KCNK9: variants seen among roughly 807,000 people sequenced by gnomAD.
The protein encoded by KCNK9 is potassium channel subfamily K member 9.
In KCNK9, 1 loss-of-function variant was observed where a neutral mutation model predicts 10.8. The ratio of observed to expected loss-of-function variants is 0.09; its 90% CI spans 0.03 to 0.44. The LOEUF is 0.44. Among genes scored for constraint, KCNK9 ranks in the 20% least tolerant of loss-of-function variants. The probability of loss-of-function intolerance (pLI) is 0.97; values close to 1 mark genes in which losing one functional copy is unlikely to be tolerated. For synonymous variants in KCNK9, 231 were observed against 222.7 expected, an observed-to-expected ratio of 1.04 and a Z score of -0.33; for missense variants, 303 against 515.0, an observed-to-expected ratio of 0.59 and a Z score of 3.98.
chr8:139,622,441 T>C (rs956961067), intron 1 of KCNK9, among the ~76,000 whole-genome samples: 2 of 152,056 alleles, frequency 1.3e-5, no homozygotes, highest in Admixed American at 1.3e-4. Flanking sequence ...TCCAGTTGGG[T>C]CCATCCAATG....
intron 1 of KCNK9, among the ~76,000 whole-genome samples, chr8:139,644,137 G>T (rs1815595895): frequency 6.6e-6 from 1 of 152,186 alleles, no homozygotes; most frequent in Non-Finnish European, 1.5e-5. Flanking sequence ...TGGGATGTAG[G>T]TGCCATTATT....
At chr8:139,630,084 C>T (rs1214048689) in intron 1 of KCNK9, among the ~76,000 whole-genome samples, 3 of 151,620 alleles carry the variant, frequency 2.0e-5, no homozygotes, top group Non-Finnish European at 4.4e-5. Context: ...GGGGGCGGCG[C>T]GAAAGGGTAA....
At chr8:139,655,213 C>A (rs549458315) in intron 1 of KCNK9, among the ~76,000 whole-genome samples, 2 of 152,250 alleles carry the variant, frequency 1.3e-5, no homozygotes, top group South Asian at 2.1e-4. Flanking sequence ...TGTCAAGAAG[C>A]CTGACAGTCC....
At chr8:139,612,382 G>C (rs531034301), downstream of KCNK9, 1 of 152,312 alleles carries the variant, frequency 6.6e-6, no homozygotes. Context: ...TTTTTATGAT[G>C]ATGAATGAGT....
At chr8:139,690,902 T>C (rs1753902974) in intron 1 of KCNK9, among the ~76,000 whole-genome samples, 1 of 152,194 alleles carries the variant, frequency 6.6e-6, no homozygotes, top group Non-Finnish European at 1.5e-5. Context: ...TAAACTAGAT[T>C]GCACCCAGGT....
chr8:139,634,336 C>T (rs866019073), intron 1 of KCNK9, among the ~76,000 whole-genome samples: 2 of 152,194 alleles, frequency 1.3e-5, no homozygotes, highest in Admixed American at 6.5e-5. Context: ...CTAACCTACC[C>T]CTCATGGGAA....
chr8:139,679,913 C>T (rs1384257925), intron 1 of KCNK9, among the ~76,000 whole-genome samples: 1 of 152,222 alleles, frequency 6.6e-6, no homozygotes, highest in Non-Finnish European at 1.5e-5. Flanking sequence ...GGGTGCCTTT[C>T]TCATATGCAC....
chr8:139,690,290 T>C (rs1360940070), intron 1 of KCNK9, among the ~76,000 whole-genome samples: 1 of 152,174 alleles, frequency 6.6e-6, no homozygotes, highest in Non-Finnish European at 1.5e-5. Flanking sequence ...CGGGGATACA[T>C]GAAAATATCT....
intron 1 of KCNK9, among the ~76,000 whole-genome samples, chr8:139,701,664 G>T (rs898426502): frequency 6.6e-6 from 1 of 152,132 alleles, no homozygotes; most frequent in Admixed American, 6.5e-5. Context: ...CCCTAGAGAG[G>T]CAGCCTGCCT....
At chr8:139,605,687 A>C (rs558004617) in intron 2 of KCNK9, among the ~76,000 whole-genome samples, 39 of 152,346 alleles carry the variant, frequency 2.6e-4, no homozygotes, top group African/African-American at 7.5e-4. Flanking sequence ...TTATTGTACA[A>C]CACCACATTA....
chr8:139,647,762 C>CT (rs397826379), intron 1 of KCNK9, among the ~76,000 whole-genome samples: 1 of 151,582 alleles, frequency 6.6e-6, no homozygotes, highest in African/African-American at 2.4e-5. Context: ...AGTTCTGAGC[C>CT]CTAAGGGACT....
intron 1 of KCNK9, among the ~76,000 whole-genome samples, chr8:139,637,785 A>AC (rs3032725): frequency 8.0e-5 from 12 of 149,558 alleles, no homozygotes; most frequent in Non-Finnish European, 1.3e-4. Context: ...ACACACACAC[A>AC]ATAATAGTAA....
intron 1 of KCNK9, among the ~76,000 whole-genome samples, chr8:139,649,834 C>T (rs374244586): frequency 2.0e-5 from 3 of 152,166 alleles, no homozygotes; most frequent in African/African-American, 4.8e-5. Context: ...TCTGGGGATG[C>T]GGCAAAGAAC....
At chr8:139,653,883 G>A (rs2129682701) in intron 1 of KCNK9, among the ~76,000 whole-genome samples, 1 of 152,278 alleles carries the variant, frequency 6.6e-6, no homozygotes, top group East Asian at 1.9e-4. Context: ...GGGTAGCCAG[G>A]GACCTCACCA....
At chr8:139,654,037 G>C (rs1815945811) in intron 1 of KCNK9, among the ~76,000 whole-genome samples, 1 of 152,232 alleles carries the variant, frequency 6.6e-6, no homozygotes, top group African/African-American at 2.4e-5. Flanking sequence ...GTTCGGCCTG[G>C]ACTCTGACCC....
intron 1 of KCNK9, among the ~76,000 whole-genome samples, chr8:139,685,749 G>T (rs145264163): frequency 6.6e-6 from 1 of 152,146 alleles, no homozygotes; most frequent in African/African-American, 2.4e-5. Flanking sequence ...ACATACATGT[G>T]CATATGTCTT....
chr8:139,626,702 C>A (rs2257781), intron 1 of KCNK9, among the ~76,000 whole-genome samples: 23 of 152,222 alleles, frequency 1.5e-4, no homozygotes, highest in Admixed American at 8.5e-4. Flanking sequence ...TGCCCAGCAC[C>A]GGAAGGAGAT....
At chr8:139,653,420 A>G (rs962119514) in intron 1 of KCNK9, among the ~76,000 whole-genome samples, 2 of 152,032 alleles carry the variant, frequency 1.3e-5, no homozygotes, top group African/African-American at 4.8e-5. Flanking sequence ...GTCCCTCCCC[A>G]GCCCCCTGCA....
intron 1 of KCNK9, among the ~76,000 whole-genome samples, chr8:139,661,731 TG>T (rs1179482369): frequency 6.6e-6 from 1 of 152,134 alleles, no homozygotes; most frequent in Non-Finnish European, 1.5e-5. Context: ...GGCCTGGCTT[TG>T]GAGCCTGACA....
Sources: gnomAD v4.1 joint callset for allele counts (sites outside exome capture counted in the v4.1 genomes callset) on GRCh38, gnomAD v4.1.1 for gene constraint, MANE v1.5 for transcripts, NCBI Gene and HGNC (gene_info 2026-07-23, HGNC 2026-07-21) for gene names.